The following CACNA1E variants were observed in gnomAD, a reference collection of about 807,000 sequenced individuals.
CACNA1E encodes the protein calcium voltage-gated channel subunit alpha1 E, also known as voltage-dependent R-type calcium channel subunit alpha-1E.
A neutral mutation model predicts 259.2 loss-of-function variants in CACNA1E; 40 were observed. The observed-to-expected ratio is 0.15, with a 90% CI of 0.12 to 0.20. The LOEUF (loss-of-function observed/expected upper bound fraction) is 0.20, where lower values mean the gene tolerates loss of function less well. CACNA1E is among the 10% of genes least tolerant of loss of function. CACNA1E has a pLI of 1.00. For synonymous variants in CACNA1E, 1,104 were observed against 1,138.5 expected, an observed-to-expected ratio of 0.97 and a Z score of 0.61; for missense variants, 1,874 against 3,040.1, an observed-to-expected ratio of 0.62 and a Z score of 9.02.
chr1:181,490,757 A>AG (rs1414411609), intron 1 of CACNA1E, among the ~76,000 whole-genome samples: 1 of 152,178 alleles, frequency 6.6e-6, no homozygotes, highest in East Asian at 1.9e-4. Context: ...GTGTCATTAA[A>AG]GGGGGGTGTC....
At chr1:181,557,147 C>A (rs1037550814) in intron 3 of CACNA1E, among the ~76,000 whole-genome samples, 1 of 152,182 alleles carries the variant, frequency 6.6e-6, no homozygotes, top group Admixed American at 6.5e-5. Context: ...ACCTTCCTCC[C>A]TGTCACCTGG....
intron 34 of CACNA1E, among the ~76,000 whole-genome samples, 194 bp downstream of exon 34, chr1:181,763,725 G>T (rs1270863190): frequency 2.0e-5 from 3 of 152,198 alleles, no homozygotes; most frequent in African/African-American, 7.2e-5. Flanking sequence ...ATCAGCTTAT[G>T]TCTACTGGAT....
chr1:181,679,948 TTAAAAA>T (rs1045592212), intron 7 of CACNA1E, among the ~76,000 whole-genome samples: 3 of 151,390 alleles, frequency 2.0e-5, no homozygotes, highest in African/African-American at 7.3e-5. Context: ...ACAACAAACT[TTAAAAA>T]TAAAAAATAT....
At chr1:181,598,389 G>C (rs1653412391) in intron 6 of CACNA1E, among the ~76,000 whole-genome samples, 1 of 152,158 alleles carries the variant, frequency 6.6e-6, no homozygotes, top group African/African-American at 2.4e-5. Flanking sequence ...CTCTGAGGTA[G>C]CCAAGAAAGG....
chr1:181,463,082 T>C (rs1661927479), intron 2 of CACNA1E, among the ~76,000 whole-genome samples: 1 of 152,148 alleles, frequency 6.6e-6, no homozygotes, highest in African/African-American at 2.4e-5. Flanking sequence ...CCCCCTTATC[T>C]GCAGGGGATA....
intron 1 of CACNA1E, among the ~76,000 whole-genome samples, chr1:181,388,022 G>C (rs1387507997): frequency 2.6e-5 from 4 of 152,200 alleles, no homozygotes; most frequent in African/African-American, 4.8e-5. Context: ...TTTGATGATA[G>C]CTAAGAGTTC....
intron 3 of CACNA1E, among the ~76,000 whole-genome samples, chr1:181,546,002 G>A (rs974235689): frequency 6.6e-5 from 10 of 152,126 alleles, no homozygotes; most frequent in African/African-American, 2.4e-4. Flanking sequence ...TGAGATGTGG[G>A]GAGAGGGTTG....
chr1:181,603,609 GAC>G (rs1427330997), intron 6 of CACNA1E, among the ~76,000 whole-genome samples: 1 of 151,270 alleles, frequency 6.6e-6, no homozygotes, highest in African/African-American at 2.4e-5. Flanking sequence ...CTTTGCTCGT[GAC>G]ACATTTTTTT....
intron 1 of CACNA1E, among the ~76,000 whole-genome samples, chr1:181,385,547 G>A (rs1010039991): frequency 3.3e-5 from 5 of 152,204 alleles, no homozygotes; most frequent in Non-Finnish European, 7.3e-5. Flanking sequence ...ATGGGGAGAT[G>A]ATTGTTCTAG....
chr1:181,548,130 T>TTTCTTTTC (rs1553275397), intron 3 of CACNA1E, among the ~76,000 whole-genome samples: 12,863 of 49,772 alleles, frequency 0.26, 1,888 homozygotes, highest in African/African-American at 0.45. Flanking sequence ...TTTTTTTTTC[T>TTTCTTTTC]TTTTTTTTTT....
chr1:181,753,446 C>G (rs1440500370), intron 27 of CACNA1E, among the ~76,000 whole-genome samples: 1 of 152,202 alleles, frequency 6.6e-6, no homozygotes, highest in Non-Finnish European at 1.5e-5. Context: ...AGCTCTAGGA[C>G]TTAGAAGCTA....
At chr1:181,723,699 G>T (rs1231598868) in intron 16 of CACNA1E, among the ~76,000 whole-genome samples, 1 of 152,140 alleles carries the variant, frequency 6.6e-6, no homozygotes, top group Non-Finnish European at 1.5e-5. Context: ...CCCCCTTCCT[G>T]GGTTTGGTTA....
At position 181,776,806 on chromosome 1, in the gene CACNA1E, G is replaced by A. The variant is rs2102799781; in HGVS notation, c.5267+578G>A. The stretch of plus-strand genomic sequence containing the variant: ...TAACTTCTTTACTGTCTCTTTTGCT[G>A]TTTAGTAGTTCTGAAGTGATAGCGT... On this transcript the variant is annotated intron_variant, in intron 38 of 47. Coordinates refer to ENST00000367573, the MANE Select transcript of CACNA1E (RefSeq NM_001205293.3). The surrounding 1 kb of genome is among the most constrained non-coding windows in gnomAD (Gnocchi z 4.4). Among the ~76,000 whole-genome samples, 1 of 152,342 alleles carries A rather than the reference G, an allele frequency of 6.6e-6. No individual in the cohort carries two copies. The highest frequency in any genetic ancestry group is 2.4e-5 in the African/African-American group (1 of 41,572).
At chr1:181,755,425 AT>A (rs762436470) in intron 28 of CACNA1E, 28 bp downstream of exon 28, 2 of 1,601,486 alleles carry the variant, frequency 1.2e-6, no homozygotes, top group Non-Finnish European at 1.7e-6. Context: ...ATTCCACTTG[AT>A]TTTGCTGAAG....
rs560750998 is a variant in CACNA1E, at chr1:181,771,979, G to A, written c.4974-87G>A. 39 of 1,260,628 alleles carry A rather than the reference G, an allele frequency of 3.1e-5. 1 individual carries two copies. Among genetic ancestry groups the A allele is most frequent in the South Asian group, 6.6e-5 (5 of 75,272 alleles). The allele number at this position is 1,260,628 out of a possible 1,614,324, so 78.1% of individuals were successfully genotyped here. A position where few individuals can be genotyped will look rare whatever the true frequency, so the allele number is the denominator to read the frequency against. Reference sequence around the variant, plus strand: ...GAGCCTGTTGGGCCCAGACAAGAGCGAGGATGGGGAAATTGGGAAAGAGGA... The same window carrying A: ...GAGCCTGTTGGGCCCAGACAAGAGCAAGGATGGGGAAATTGGGAAAGAGGA... On this transcript the variant is annotated intron_variant, in intron 36 of 47. Coordinates refer to ENST00000367573, the MANE Select transcript of CACNA1E (RefSeq NM_001205293.3).
At position 181,348,717 on chromosome 1, in the gene CACNA1E, T is replaced by C. The variant is rs146448581; in HGVS notation, c.-15+30594T>C. The stretch of plus-strand genomic sequence containing the variant: ...AAAGGGTGAGTTCTCCTTTCTCCTC[T>C]TAAATGCTCCAGCCTTGAAAGCCAT... On this transcript the variant is annotated intron_variant, in intron 1 of 11. Coordinates refer to the CACNA1E transcript ENST00000524607. Among the ~76,000 whole-genome samples, 706 of 152,328 alleles carry C rather than the reference T, an allele frequency of 4.6e-3. 3 individuals are homozygous for C. The highest frequency in any genetic ancestry group is 0.016 in the African/African-American group (672 of 41,576).
At chr1:181,705,125 T>G (rs1439679762) in intron 7 of CACNA1E, among the ~76,000 whole-genome samples, 1 of 152,222 alleles carries the variant, frequency 6.6e-6, no homozygotes, top group African/African-American at 2.4e-5. Flanking sequence ...AATTAGCCAC[T>G]TTGTGATTTG....
At chr1:181,759,885 G>C (rs975856335) in intron 32 of CACNA1E, among the ~76,000 whole-genome samples, 1 of 152,152 alleles carries the variant, frequency 6.6e-6, no homozygotes, top group Admixed American at 6.5e-5. Context: ...TGGTCTCCCA[G>C]CGGTTCTTTG....
At chr1:181,686,547 A>G (rs1045407873) in intron 7 of CACNA1E, among the ~76,000 whole-genome samples, 2 of 152,060 alleles carry the variant, frequency 1.3e-5, no homozygotes, top group African/African-American at 4.8e-5. Context: ...GCAGCCTCCC[A>G]AAGTGCTGGG....
Sources: gnomAD v4.1 joint callset for allele counts (sites outside exome capture counted in the v4.1 genomes callset) on GRCh38, gnomAD v4.1.1 for gene constraint, Gnocchi (gnomAD v3.1) non-coding constraint, MANE v1.5 for transcripts, NCBI Gene and HGNC (gene_info 2026-07-23, HGNC 2026-07-21) for gene names.